The following FAM13A variants were observed in gnomAD, a reference collection of about 807,000 sequenced individuals.
FAM13A encodes the protein protein FAM13A.
In FAM13A, 76 loss-of-function variants were observed where a neutral mutation model predicts 129.6. The observed-to-expected ratio is 0.59, with a 90% CI of 0.49 to 0.71. FAM13A has a LOEUF of 0.71. Ranked by LOEUF, FAM13A falls within the 30% of genes least tolerant of loss-of-function variation. FAM13A has a pLI of 0.00. For synonymous variants in FAM13A, 443 were observed against 449.9 expected (o/e 0.98, Z 0.20); for missense variants, 1,108 against 1,249.3 (o/e 0.89, Z 1.70).
chr4:88,874,311 A>G (rs574177679), intron 6 of FAM13A, among the ~76,000 whole-genome samples: 77 of 152,330 alleles, frequency 5.1e-4, no homozygotes, highest in African/African-American at 1.7e-3. Flanking sequence ...AAGAGAAAAA[A>G]ATAAAGAGTA....
At chr4:88,875,163 T>C (rs1412316136) in intron 6 of FAM13A, among the ~76,000 whole-genome samples, 4 of 152,156 alleles carry the variant, frequency 2.6e-5, no homozygotes, top group African/African-American at 4.8e-5. Context: ...AAGACTTAAA[T>C]GTTAGACCTA....
chr4:88,932,328 G>A (rs1753153700), intron 5 of FAM13A, among the ~76,000 whole-genome samples: 1 of 152,184 alleles, frequency 6.6e-6, no homozygotes, highest in South Asian at 2.1e-4. Flanking sequence ...GTTACTGTCA[G>A]TAGTAAATGA....
intron 6 of FAM13A, among the ~76,000 whole-genome samples, chr4:88,852,319 G>A (rs559298024): frequency 6.6e-6 from 1 of 152,038 alleles, no homozygotes; most frequent in Non-Finnish European, 1.5e-5. Flanking sequence ...GCACCAACAA[G>A]TCAGGGTAAT....
chr4:89,006,650 G>C (rs1765066034), intron 3 of FAM13A, among the ~76,000 whole-genome samples: 1 of 152,216 alleles, frequency 6.6e-6, no homozygotes, highest in South Asian at 2.1e-4. Context: ...TGGAGAGTCA[G>C]TGTGATAGCC....
intron 13 of FAM13A, among the ~76,000 whole-genome samples, chr4:88,765,444 A>C (rs1484958370): frequency 6.6e-6 from 1 of 152,242 alleles, no homozygotes; most frequent in Non-Finnish European, 1.5e-5. Context: ...ACAGAACTCT[A>C]GGAGGAGTAA....
At chr4:88,899,533 T>A (rs1746910098) in intron 6 of FAM13A, among the ~76,000 whole-genome samples, 2 of 151,990 alleles carry the variant, frequency 1.3e-5, no homozygotes, top group Non-Finnish European at 2.9e-5. Context: ...TGGTGGCTAG[T>A]TAGGAGTATT....
chr4:88,809,369 C>T (rs1729207137), intron 7 of FAM13A, among the ~76,000 whole-genome samples: 1 of 152,106 alleles, frequency 6.6e-6, no homozygotes, highest in Non-Finnish European at 1.5e-5. Context: ...TAGCCACACA[C>T]TTTAAATATA....
At chr4:88,865,324 G>A (rs942174417) in intron 6 of FAM13A, among the ~76,000 whole-genome samples, 2 of 152,030 alleles carry the variant, frequency 1.3e-5, no homozygotes, top group Non-Finnish European at 2.9e-5. Context: ...TGGTCAGTTA[G>A]GCACAATTAT....
intron 6 of FAM13A, among the ~76,000 whole-genome samples, chr4:88,893,221 CAG>C (rs1250793903): frequency 3.3e-5 from 5 of 152,126 alleles, no homozygotes; most frequent in Middle Eastern, 3.2e-3. Flanking sequence ...CTTCACAAAA[CAG>C]AGGTTTATTT....
chr4:88,764,006 A>G (rs1215965161), intron 13 of FAM13A, among the ~76,000 whole-genome samples: 1 of 152,232 alleles, frequency 6.6e-6, no homozygotes, highest in Non-Finnish European at 1.5e-5. Flanking sequence ...TGAAGTCAAA[A>G]TAACAGTCAT....
chr4:88,767,527 C>G, intron 13 of FAM13A, 26 bp downstream of exon 13: 1 of 1,576,786 alleles, frequency 6.3e-7, no homozygotes. Context: ...CCGTCACAGT[C>G]TTACTCTTGC....
At position 88,746,933 on chromosome 4, in the gene FAM13A, G is replaced by A. The variant is rs377446507; in HGVS notation, c.2465C>T (p.Pro822Leu). 4.7e-5 allele frequency: 76 copies of A among 1,606,362 alleles called. No homozygotes were observed. Among genetic ancestry groups the A allele is most frequent in the Non-Finnish European group, 5.8e-5 (68 of 1,173,268 alleles). The change falls in exon 19 of 24, where the codon CCG (proline) becomes CTG (leucine). Residue 822 changes from proline (P) to leucine (L), a missense_variant and splice_region_variant. Coordinates refer to ENST00000264344, the MANE Select transcript of FAM13A (RefSeq NM_014883.4). ...CAGAAAATTTACTACATCACATACC[G>A]GCCGTCCATGAATGCTTTCATAATA... ...LLYYESIHGR[P>L]VTKNERQVMK...
At chr4:89,047,708 C>T (rs964299827) in intron 1 of FAM13A, among the ~76,000 whole-genome samples, 5 of 152,238 alleles carry the variant, frequency 3.3e-5, no homozygotes, top group East Asian at 1.9e-4. Context: ...AAACTAGCGG[C>T]TTTGGTGATT....
At chr4:88,847,976 C>T (rs1736959081) in intron 7 of FAM13A, among the ~76,000 whole-genome samples, 1 of 151,802 alleles carries the variant, frequency 6.6e-6, no homozygotes, top group Admixed American at 6.6e-5. Context: ...ATTACATAAA[C>T]CACAAACATT....
intron 4 of FAM13A, among the ~76,000 whole-genome samples, chr4:88,974,573 G>A (rs962512979): frequency 6.6e-6 from 1 of 152,010 alleles, no homozygotes; most frequent in African/African-American, 2.4e-5. Context: ...CGCCTCCTGG[G>A]TTCATGCAAT....
intron 4 of FAM13A, 190 bp downstream of exon 4, chr4:88,990,783 G>A (rs568366048): frequency 5.9e-4 from 273 of 462,378 alleles, no homozygotes; most frequent in African/African-American, 4.9e-3. Context: ...TTTGTAAAAA[G>A]GGCATAGCTA....
chr4:88,841,937 G>A (rs1735901053), intron 7 of FAM13A, among the ~76,000 whole-genome samples: 1 of 152,148 alleles, frequency 6.6e-6, no homozygotes, highest in Non-Finnish European at 1.5e-5. Context: ...ATGCCCGTAC[G>A]AAGGCTTCTA....
chr4:88,890,324 AC>A (rs1233053631), intron 6 of FAM13A, among the ~76,000 whole-genome samples: 2 of 152,140 alleles, frequency 1.3e-5, no homozygotes, highest in Non-Finnish European at 2.9e-5. Context: ...AGGTATCTAA[AC>A]CCAGTCTCTT....
At chr4:88,748,919 G>A (rs1037746056) in intron 17 of FAM13A, 33 bp downstream of exon 17, 3 of 1,482,408 alleles carry the variant, frequency 2.0e-6, no homozygotes, top group African/African-American at 2.8e-5. Context: ...CTGGCTTGTT[G>A]TACAGAAGCC....
Sources: gnomAD v4.1 joint callset for allele counts (sites outside exome capture counted in the v4.1 genomes callset) on GRCh38, gnomAD v4.1.1 for gene constraint, MANE v1.5 for transcripts, NCBI Gene and HGNC (gene_info 2026-07-23, HGNC 2026-07-21) for gene names.